CHODL: variants seen among roughly 807,000 people sequenced by gnomAD.
CHODL encodes chondrolectin, also known as transmembrane protein MT75.
Under a neutral mutation model 34.5 loss-of-function variants are expected in CHODL, and 29 were observed. The observed-to-expected ratio is 0.84, with a 90% CI of 0.63 to 1.15. CHODL has a LOEUF of 1.15. CHODL is among the 50% of genes most tolerant of loss of function. CHODL has a pLI of 0.00. For missense variants in CHODL, 332 were observed against 332.5 expected, an observed-to-expected ratio of 1.00 and a Z score of 0.01; for synonymous variants, 125 against 116.1, an observed-to-expected ratio of 1.08 and a Z score of -0.49.
At chr21:17,970,896 C>A (rs761968189) in intron 1 of CHODL, among the ~76,000 whole-genome samples, 1 of 152,048 alleles carries the variant, frequency 6.6e-6, no homozygotes, top group South Asian at 2.1e-4. Context: ...CCCCCACCCC[C>A]CAACAGGCCC....
intron 2 of CHODL, among the ~76,000 whole-genome samples, chr21:18,147,609 G>A (rs2072910261): frequency 6.6e-6 from 1 of 152,086 alleles, no homozygotes; most frequent in South Asian, 2.1e-4. Context: ...TTTATTTCAG[G>A]GATTGGCAGT....
At chr21:18,248,709 AATAT>A (rs199622783) in intron 1 of CHODL, among the ~76,000 whole-genome samples, 1 of 118,082 alleles carries the variant, frequency 8.5e-6, no homozygotes, top group Non-Finnish European at 1.6e-5. Flanking sequence ...ATATGTATAT[AATAT>A]ATACATATAT....
At chr21:18,123,871 A>G (rs777811550) in intron 2 of CHODL, among the ~76,000 whole-genome samples, 4 of 152,062 alleles carry the variant, frequency 2.6e-5, no homozygotes, top group Admixed American at 1.3e-4. Context: ...AACGCAGGGT[A>G]CCTCACCCTT....
intron 2 of CHODL, among the ~76,000 whole-genome samples, chr21:18,178,288 G>A (rs955497339): frequency 3.3e-5 from 5 of 152,102 alleles, no homozygotes; most frequent in Non-Finnish European, 7.4e-5. Context: ...AGGTGACAGT[G>A]GTAACTACAG....
At chr21:18,081,651 A>C (rs2064942885) in intron 2 of CHODL, among the ~76,000 whole-genome samples, 1 of 151,568 alleles carries the variant, frequency 6.6e-6, no homozygotes, top group Non-Finnish European at 1.5e-5. Context: ...ATTGCACTCC[A>C]GCCTGGGCAA....
At chr21:18,262,339 T>A (rs1305811502) in intron 4 of CHODL, among the ~76,000 whole-genome samples, 1 of 152,116 alleles carries the variant, frequency 6.6e-6, no homozygotes, top group Non-Finnish European at 1.5e-5. Context: ...CATCATAGAG[T>A]GTACTTGAAC....
chr21:18,250,522 A>T (rs1035448975), intron 1 of CHODL, among the ~76,000 whole-genome samples: 1 of 151,970 alleles, frequency 6.6e-6, no homozygotes, highest in Non-Finnish European at 1.5e-5. Context: ...CTATGCAATT[A>T]AGTACATTAT....
intron 1 of CHODL, among the ~76,000 whole-genome samples, chr21:17,983,902 A>AGT (rs201263555): frequency 1.9e-5 from 2 of 106,546 alleles, no homozygotes; most frequent in African/African-American, 8.0e-5. Flanking sequence ...CCTGTGTGCA[A>AGT]GTGTGTGTGT....
At chr21:18,218,059 C>T (rs1333983015) in intron 2 of CHODL, among the ~76,000 whole-genome samples, 15 of 152,194 alleles carry the variant, frequency 9.9e-5, no homozygotes, top group Non-Finnish European at 1.5e-5. Context: ...GTGGCTTTTC[C>T]AGGTACACTG....
intron 1 of CHODL, among the ~76,000 whole-genome samples, chr21:18,011,941 C>T (rs374425273): frequency 6.6e-6 from 1 of 152,198 alleles, no homozygotes; most frequent in East Asian, 1.9e-4. Flanking sequence ...TACAAATCAA[C>T]TTAGTTCATT....
At chr21:18,240,881 G>A (rs969885424), upstream of CHODL, among the ~76,000 whole-genome samples, 5 of 152,060 alleles carry the variant, frequency 3.3e-5, no homozygotes, top group African/African-American at 1.2e-4. Context: ...GCAACAGACT[G>A]AACAGTTATG....
At chr21:18,197,544 A>T (rs533169556) in intron 2 of CHODL, among the ~76,000 whole-genome samples, 81 of 152,324 alleles carry the variant, frequency 5.3e-4, no homozygotes, top group Non-Finnish European at 9.6e-4. Context: ...TGAACCCGGG[A>T]TGCGGAGGTT....
At chr21:17,921,755 A>G (rs1170292910) in intron 1 of CHODL, among the ~76,000 whole-genome samples, 1 of 152,192 alleles carries the variant, frequency 6.6e-6, no homozygotes, top group Non-Finnish European at 1.5e-5. Flanking sequence ...GACACAGGTT[A>G]AGGCTACAGT....
At chr21:18,143,758 T>C (rs956259213) in intron 2 of CHODL, among the ~76,000 whole-genome samples, 1 of 152,078 alleles carries the variant, frequency 6.6e-6, no homozygotes, top group East Asian at 1.9e-4. Flanking sequence ...TCAATGTGCA[T>C]TTATTTAGGT....
chr21:17,934,814 CAA>C (rs1347081870), intron 1 of CHODL, among the ~76,000 whole-genome samples: 1 of 151,996 alleles, frequency 6.6e-6, no homozygotes, highest in African/African-American at 2.4e-5. Context: ...TTTTCTGAAA[CAA>C]ATTAAAATTT....
intron 2 of CHODL, among the ~76,000 whole-genome samples, chr21:18,158,392 G>A (rs2073057732): frequency 6.6e-6 from 1 of 152,132 alleles, no homozygotes. Context: ...ATGTTGCTTT[G>A]CGAGGTGTAA....
At chr21:18,120,058 C>T (rs1364967813) in intron 2 of CHODL, among the ~76,000 whole-genome samples, 4 of 152,020 alleles carry the variant, frequency 2.6e-5, no homozygotes, top group African/African-American at 7.2e-5. Context: ...TGTGACTAGG[C>T]GAAAAATATT....
chr21:17,966,101 G>A (rs898830297), intron 1 of CHODL, among the ~76,000 whole-genome samples: 1 of 151,904 alleles, frequency 6.6e-6, no homozygotes, highest in East Asian at 1.9e-4. Flanking sequence ...GCATCTGTCA[G>A]GTTCAGATTT....
chr21:18,013,316 A>G (rs1344726944), intron 1 of CHODL, among the ~76,000 whole-genome samples: 2 of 124,422 alleles, frequency 1.6e-5, no homozygotes, highest in African/African-American at 5.8e-5. Flanking sequence ...CTAGGATACA[A>G]CTTTATCTCT....
Sources: allele counts gnomAD v4.1 joint callset (sites outside exome capture counted in the v4.1 genomes callset), GRCh38; gene constraint gnomAD v4.1.1; transcripts MANE v1.5; gene names NCBI Gene and HGNC (gene_info 2026-07-23, HGNC 2026-07-21).